Variants in NDUFB8 observed in about 807,000 individuals in gnomAD.
The protein encoded by NDUFB8 is NADH:ubiquinone oxidoreductase subunit B8.
In NDUFB8, 17 loss-of-function variants were observed where a neutral mutation model predicts 26.0. That is an observed-to-expected ratio of 0.65 (90% confidence interval 0.45 to 0.98). The LOEUF is 0.98. Among genes scored for constraint, NDUFB8 ranks in the 50% least tolerant of loss-of-function variants. NDUFB8 has a pLI of 0.00. For missense variants in NDUFB8, 238 were observed against 255.0 expected, an observed-to-expected ratio of 0.93 and a Z score of 0.45; for synonymous variants, 89 against 93.1, an observed-to-expected ratio of 0.96 and a Z score of 0.25.
chr10:100,525,717 CGTGTGTGTGTGTGTGTGTGTGTGT>C (rs71013460), intron 4 of NDUFB8, among the ~76,000 whole-genome samples: 3 of 46,050 alleles, frequency 6.5e-5, no homozygotes, highest in South Asian at 8.0e-4. Context: ...TAAGCACATA[CGTGTGTGTGTGTGTGTGTGTGTGT>C]GTGTGTGTGT....
intron 1 of NDUFB8, 71 bp downstream of exon 1, chr10:100,529,696 A>G: frequency 3.2e-6 from 5 of 1,544,616 alleles, no homozygotes; most frequent in East Asian, 2.3e-5. Flanking sequence ...GGCATCTACG[A>G]TCCCCCCTCC....
rs1239013578 is a variant in NDUFB8 at position 100,527,060 on chromosome 10, G to T, written c.227C>A (p.Pro76Gln). ...ATGCTGTGAGCGGTCAGGGAGCTTC[G>T]GGTAGTCGCCATACCTGAAAGACAG... ...PDDGMGYGDYPKLPDRSQHER... is the reference protein window; with the variant it reads ...PDDGMGYGDYQKLPDRSQHER... Residue 76 changes from proline to glutamine, a missense_variant, in exon 3 of 5, where the codon CCG (proline) becomes CAG (glutamine). By Grantham distance (76) the Pro-to-Gln change is moderately conservative. Transcript: ENST00000299166. 6.2e-7 allele frequency: 1 copy of T among 1,614,008 alleles called. No homozygotes were observed. Among genetic ancestry groups the T allele is most frequent in the Non-Finnish European group, 8.5e-7 (1 of 1,179,966 alleles).
chr10:100,528,135 A>G (rs750157552), intron 2 of NDUFB8, among the ~76,000 whole-genome samples: 22 of 152,190 alleles, frequency 1.4e-4, no homozygotes, highest in Non-Finnish European at 2.9e-4. Flanking sequence ...TATCTTTTAT[A>G]GCATACTTTT....
At chr10:100,525,511 A>G (rs1343231707) in intron 4 of NDUFB8, among the ~76,000 whole-genome samples, 3 of 151,950 alleles carry the variant, frequency 2.0e-5, no homozygotes, top group African/African-American at 7.3e-5. Flanking sequence ...TGCCCACCTC[A>G]GCCTCCCAAT....
In NDUFB8 at chr10:100,529,835, GC is replaced by G; in HGVS notation, c.16del (p.Ala6ProfsTer16). On this transcript the variant is annotated frameshift_variant, in exon 1 of 5. Transcript: ENST00000299166. LOFTEE classifies it high-confidence loss of function. MAVAR[A>X]GVLGVQWLQR... The stretch of plus-strand genomic sequence containing the variant: ...CAGCCACTGGACTCCCAAGACCCCG[GC>G]CCTGGCCACCGCCATCTTCACCTTC... 1 of 1,609,602 alleles carries G rather than the reference GC, an allele frequency of 6.2e-7. No homozygotes were observed. Among genetic ancestry groups the G allele is most frequent in the Non-Finnish European group, 8.5e-7 (1 of 1,178,000 alleles).
Position 100,529,829 on chromosome 10 carries a change from A to AC in NDUFB8, c.22dup (p.Val8GlyfsTer36). 1 of 1,612,898 alleles carries AC rather than the reference A, an allele frequency of 6.2e-7. No individual in the cohort carries two copies. The highest frequency in any genetic ancestry group is 8.5e-7 in the Non-Finnish European group (1 of 1,179,660). On this transcript the variant is annotated frameshift_variant, in exon 1 of 5. Coordinates refer to ENST00000299166, the MANE Select transcript of NDUFB8 (RefSeq NM_005004.4). LOFTEE classifies it high-confidence loss of function. Reference sequence around the variant, plus strand: ...CCTTTGCAGCCACTGGACTCCCAAGACCCCGGCCCTGGCCACCGCCATCTT... The same window carrying AC: ...CCTTTGCAGCCACTGGACTCCCAAGACCCCCGGCCCTGGCCACCGCCATCTT...
At chr10:100,529,539 G>C in intron 1 of NDUFB8, 33 bp from the exon 2 acceptor site, 1 of 1,604,284 alleles carries the variant, frequency 6.2e-7, no homozygotes, top group Non-Finnish European at 8.5e-7. Flanking sequence ...TCAGAAGCGA[G>C]CCCGCTCTCC....
chr10:100,527,041 T>C lies in NDUFB8; in HGVS notation c.246A>G (p.Ser82=). 6.2e-7 allele frequency: 1 copy of C among 1,614,168 alleles called. No individual in the cohort carries two copies. The change falls in exon 3 of 5, where the codon TCA becomes TCG. Residue 82 remains serine (S), a synonymous_variant. Coordinates refer to ENST00000299166, the MANE Select transcript of NDUFB8 (RefSeq NM_005004.4). ...YGDYPKLPDR[S]QHERDPWYSW... The stretch of plus-strand genomic sequence containing the variant: ...TATACCATGGATCTCTCTCATGCTG[T>C]GAGCGGTCAGGGAGCTTCGGGTAGT...
At chr10:100,527,357 C>CTT (rs1216679850) in intron 2 of NDUFB8, among the ~76,000 whole-genome samples, 1 of 152,166 alleles carries the variant, frequency 6.6e-6, no homozygotes, top group Non-Finnish European at 1.5e-5. Flanking sequence ...AATCCCAGCA[C>CTT]TTTGAGAGGC....
At position 100,529,369 on chromosome 10, in the gene NDUFB8, C is replaced by G; in HGVS notation, c.212+11G>C. Reference sequence around the variant, plus strand: ...CACTACTTGGGTGCGAGCATACCCTCTCTGTCTCACCCCATGCCATCATCC... The same window carrying G: ...CACTACTTGGGTGCGAGCATACCCTGTCTGTCTCACCCCATGCCATCATCC... On this transcript the variant is annotated intron_variant, in intron 2 of 4. Transcript: ENST00000299166. 2 of 1,594,956 alleles carry G rather than the reference C, an allele frequency of 1.3e-6. No individual in the cohort carries two copies. Among genetic ancestry groups the G allele is most frequent in the Non-Finnish European group, 1.7e-6 (2 of 1,172,704 alleles).
In NDUFB8 at chr10:100,523,923, T is replaced by A. The variant is rs1256746661; in HGVS notation, c.475A>T (p.Lys159Ter). Residue 159 changes from lysine (K) to a stop codon, truncating the protein, a stop_gained, in exon 5 of 5, where the codon AAG becomes TAG. Coordinates refer to ENST00000299166, the MANE Select transcript of NDUFB8 (RefSeq NM_005004.4). LOFTEE classifies it high-confidence loss of function. ...VYPVYQPVGPKQYPYNNLYLE... is the reference protein window; with the variant it reads ...VYPVYQPVGP ...TACAGATTATTGTAAGGATACTGCT[T>A]TGGTCCCTACAGAAAAAAACACAGG... The A allele has an allele frequency of 6.2e-7, 1 of 1,613,990 alleles. No individual in the cohort carries two copies. Among genetic ancestry groups the A allele is most frequent in the Non-Finnish European group, 8.5e-7 (1 of 1,180,024 alleles).
At position 100,529,339 on chromosome 10, in the gene NDUFB8, C is replaced by T. The variant is rs187258270; in HGVS notation, c.212+41G>A. 964 of 1,532,726 alleles carry T rather than the reference C, an allele frequency of 6.3e-4. 7 individuals carry two copies. The African/African-American group carries it at 0.011, about 18-fold the overall frequency. 94.9% of individuals were successfully genotyped at this position (1,532,726 alleles called of 1,614,324 possible). On this transcript the variant is annotated intron_variant, in intron 2 of 4. Transcript: ENST00000299166. ...AGCCACCCAACCCAGCCGGCCTTCT[C>T]CCATCACTACTTGGGTGCGAGCATA...
Position 100,523,775 on chromosome 10 carries a change from A to C in NDUFB8, c.*62T>G. The C allele has an allele frequency of 6.8e-7, 1 of 1,459,896 alleles. No individual in the cohort carries two copies. The highest frequency in any genetic ancestry group is 1.2e-5 in the South Asian group (1 of 85,564). The allele number at this position is 1,459,896 out of a possible 1,614,324, so 90.4% of individuals were successfully genotyped here. ...CTGAGTTTTATTAGGGATTTCATTA[A>C]GGTTAAATTTCTAGGAATGAGGGAG... On this transcript the variant is annotated 3_prime_UTR_variant, in exon 5 of 5. Transcript: ENST00000299166.
In NDUFB8 at chr10:100,523,860, G is replaced by A. The variant is rs775076125; in HGVS notation, c.538C>T (p.Arg180Trp). 5.0e-6 allele frequency: 8 copies of A among 1,613,996 alleles called. No homozygotes were observed. Among genetic ancestry groups the A allele is most frequent in the South Asian group, 2.2e-5 (2 of 91,088 alleles). The stretch of plus-strand genomic sequence containing the variant: ...CCTCAGATCTCATAGTGAACCACCC[G>A]CTCTGGTTCTTTGGAGGGATCACCG... ...RGGDPSKEPE[R>W]VVHYEI Residue 180 changes from arginine to tryptophan, a missense_variant, in exon 5 of 5, where the codon CGG becomes TGG. Arg to Trp is a moderately radical substitution (Grantham distance 101). Coordinates refer to ENST00000299166, the MANE Select transcript of NDUFB8 (RefSeq NM_005004.4).
At chr10:100,529,087 C>T in intron 2 of NDUFB8, 2 of 246,762 alleles carry the variant, frequency 8.1e-6, no homozygotes, top group South Asian at 1.5e-4. Flanking sequence ...AAACTCGACG[C>T]TCTGGATAGA....
At chr10:100,529,209 G>A in intron 2 of NDUFB8, 171 bp downstream of exon 2, 1 of 272,296 alleles carries the variant, frequency 3.7e-6, no homozygotes, top group Non-Finnish European at 7.1e-6. Flanking sequence ...CCTCTCAGCT[G>A]CAGCTGCTCA....
intron 4 of NDUFB8, 44 bp downstream of exon 4, chr10:100,526,355 G>A: frequency 6.5e-7 from 1 of 1,528,734 alleles, no homozygotes. Flanking sequence ...TCAGGAAATG[G>A]GGCTAAGCAA....
At chr10:100,529,685 C>T in intron 1 of NDUFB8, 82 bp downstream of exon 1, 1 of 1,550,402 alleles carries the variant, frequency 6.4e-7, no homozygotes, top group South Asian at 1.1e-5. Flanking sequence ...GCTGCCGCCG[C>T]GGCATCTACG....
rs116226794 is a variant in NDUFB8, at chr10:100,526,388, C to T, written c.468+11G>A. ...CAAGCGTGCCTAAGGGAGCACTTCT[C>T]GGATACTCACCACAGGCTGGTAGAC... On this transcript the variant is annotated intron_variant, in intron 4 of 4. Coordinates refer to ENST00000299166, the MANE Select transcript of NDUFB8 (RefSeq NM_005004.4). 770 of 1,581,526 alleles carry T rather than the reference C, an allele frequency of 4.9e-4. 2 individuals carry two copies. In the African/African-American group the frequency reaches 7.6e-3, roughly 16 times the overall value.
Sources: allele counts gnomAD v4.1 joint callset (sites outside exome capture counted in the v4.1 genomes callset), GRCh38; gene constraint gnomAD v4.1.1; transcripts MANE v1.5; gene names NCBI Gene and HGNC (gene_info 2026-07-23, HGNC 2026-07-21).